Variants in FANCA observed in about 807,000 individuals in gnomAD.
FANCA encodes FA complementation group A, also known as Fanconi anemia group A protein.
In FANCA, 236 loss-of-function variants were observed where a neutral mutation model predicts 194.3. The observed-to-expected ratio is 1.21, with a 90% CI of 1.09 to 1.35. FANCA has a LOEUF of 1.35. FANCA is among the 40% of genes most tolerant of loss of function. FANCA has a pLI of 0.00. For missense variants in FANCA, 2,628 were observed against 1,813.9 expected, an observed-to-expected ratio of 1.45 and a Z score of -8.15; for synonymous variants, 1,014 against 715.8, an observed-to-expected ratio of 1.42 and a Z score of -6.65.
intron 36 of FANCA, among the ~76,000 whole-genome samples, chr16:89,743,738 G>A (rs540992983): frequency 5.9e-5 from 9 of 152,200 alleles, no homozygotes; most frequent in African/African-American, 1.7e-4. Flanking sequence ...CAGGAGGATC[G>A]CTTGAACCTG....
At chr16:89,799,584 G>A in intron 9 of FANCA, 21 bp downstream of exon 9, 1 of 1,609,716 alleles carries the variant, frequency 6.2e-7, no homozygotes, top group Non-Finnish European at 8.5e-7. Context: ...TACAGTCTGG[G>A]CTGCAGTGCA....
chr16:89,788,556 G>C (rs910636660), intron 14 of FANCA, among the ~76,000 whole-genome samples: 1 of 152,182 alleles, frequency 6.6e-6, no homozygotes, highest in Non-Finnish European at 1.5e-5. Flanking sequence ...CCAGTACTTC[G>C]GGGGTTAAGG....
intron 8 of FANCA, among the ~76,000 whole-genome samples, chr16:89,801,604 C>T (rs368671771): frequency 1.3e-5 from 2 of 152,162 alleles, no homozygotes; most frequent in Admixed American, 6.5e-5. Context: ...GAGGGTCTCA[C>T]TTTCACCAGG....
rs2143424697 is a variant in FANCA, at chr16:89,779,003, G to C, written c.1716C>G (p.Ser572Arg). 1 of 1,613,292 alleles carries C rather than the reference G, an allele frequency of 6.2e-7. No homozygotes were observed. Among genetic ancestry groups the C allele is most frequent in the Non-Finnish European group, 8.5e-7 (1 of 1,179,952 alleles). Residue 572 changes from serine (S) to arginine (R), a missense_variant and splice_region_variant, in exon 19 of 43, where the codon AGC (serine) becomes AGG (arginine). Transcript: ENST00000389301. ...GNIPVTVMEA[S>R]IFRRPYYVSH... Reference sequence around the variant, plus strand: ...ACACGTAGTAAGGCCTCCTGAATATGCTGCAACACAGAGAAGCAGACAGTG... The same window carrying C: ...ACACGTAGTAAGGCCTCCTGAATATCCTGCAACACAGAGAAGCAGACAGTG...
intron 35 of FANCA, among the ~76,000 whole-genome samples, chr16:89,745,532 G>A (rs909293416): frequency 7.7e-6 from 1 of 129,320 alleles, no homozygotes; most frequent in Non-Finnish European, 1.6e-5. Context: ...ACTGCCCTGA[G>A]CTGGGAACGA....
At chr16:89,757,463 T>C (rs1453700786) in intron 30 of FANCA, among the ~76,000 whole-genome samples, 2 of 152,108 alleles carry the variant, frequency 1.3e-5, no homozygotes, top group Non-Finnish European at 2.9e-5. Context: ...CTCAGAAACA[T>C]TCTGCTCAGC....
At chr16:89,767,988 C>T (rs2039190217) in intron 26 of FANCA, among the ~76,000 whole-genome samples, 1 of 151,960 alleles carries the variant, frequency 6.6e-6, no homozygotes, top group Non-Finnish European at 1.5e-5. Flanking sequence ...CCTGGCCCAG[C>T]CCTCGGTTTA....
chr16:89,744,665 G>GTTTTTTTTTT, intron 36 of FANCA: 1 of 369,368 alleles, frequency 2.7e-6, no homozygotes, highest in Non-Finnish European at 5.1e-6. Flanking sequence ...GGCAGAGGCT[G>GTTTTTTTTTT]TTTTTTTTTT....
chr16:89,798,587 C>T (rs1281645425), intron 10 of FANCA: 1 of 1,146,110 alleles, frequency 8.7e-7, no homozygotes, highest in Non-Finnish European at 1.1e-6. Context: ...AGCCCCATTT[C>T]CACCAAACCC....
intron 17 of FANCA, among the ~76,000 whole-genome samples, chr16:89,781,277 T>C (rs1177288941): frequency 3.0e-5 from 4 of 134,656 alleles, no homozygotes; most frequent in Non-Finnish European, 6.0e-5. Flanking sequence ...GGCAGGAGAA[T>C]GGCATGAACC....
At chr16:89,748,834 G>A (rs751558575) in intron 32 of FANCA, 67 bp from the exon 33 acceptor site, 19 of 1,343,030 alleles carry the variant, frequency 1.4e-5, no homozygotes, top group Non-Finnish European at 1.8e-5. Flanking sequence ...CAAGGGCTCA[G>A]ACTCTCAGAG....
Position 89,792,529 on chromosome 16 carries a change from A to G in FANCA, c.1025T>C (p.Met342Thr), listed in dbSNP as rs1192185054. 6.2e-7 allele frequency: 1 copy of G among 1,613,352 alleles called. No homozygotes were observed. Among genetic ancestry groups the G allele is most frequent in the South Asian group, 1.1e-5 (1 of 91,038 alleles). ...CCGCGCAAAGCTCCACTCTCTCTGC[A>G]TCTGAACAGCATCAGATGCTGCAGG... ...PVLKASDAVQ[M>T]QREWSFARTH... The change falls in exon 12 of 43, where the codon ATG becomes ACG. Residue 342 changes from methionine to threonine, a missense_variant. By Grantham distance (81) the Met-to-Thr change is moderately conservative. Coordinates refer to ENST00000389301, the MANE Select transcript of FANCA (RefSeq NM_000135.4).
At chr16:89,738,749 A>G (rs1242162771) in intron 42 of FANCA, 41 bp from the exon 43 acceptor site, 3 of 1,612,726 alleles carry the variant, frequency 1.9e-6, no homozygotes, top group East Asian at 2.2e-5. Flanking sequence ...GCCGCCCACT[A>G]GGCCTCAGAC....
chr16:89,798,364 C>G (rs2040318740), intron 10 of FANCA: 7 of 1,040,364 alleles, frequency 6.7e-6, no homozygotes, highest in Non-Finnish European at 8.1e-6. Flanking sequence ...TTCAGGAAAT[C>G]ACACAGTGCT....
chr16:89,790,885 A>G (rs2040047486), intron 14 of FANCA, among the ~76,000 whole-genome samples: 1 of 151,878 alleles, frequency 6.6e-6, no homozygotes, highest in Non-Finnish European at 1.5e-5. Flanking sequence ...GCTGGCGTAC[A>G]GTGGTGCAAT....
Position 89,737,993 on chromosome 16 carries a change from T to G in FANCA, c.*608A>C, listed in dbSNP as rs749072880. 12 of 1,614,014 alleles carry G rather than the reference T, an allele frequency of 7.4e-6. No homozygotes were observed. Among genetic ancestry groups the G allele is most frequent in the Non-Finnish European group, 1.0e-5 (12 of 1,180,030 alleles). On this transcript the variant is annotated 3_prime_UTR_variant, in exon 43 of 43. Transcript: ENST00000389301. ...TCCCCCAGGTGTGAGGTCTGTGGGT[T>G]CCAGTGCAGGCAGCGGGCATCCCTC...
At chr16:89,773,878 T>C (rs1011348945) in intron 21 of FANCA, among the ~76,000 whole-genome samples, 1 of 151,212 alleles carries the variant, frequency 6.6e-6, no homozygotes. Flanking sequence ...GTTCAAATCA[T>C]CCTGCCTCAG....
intron 3 of FANCA, among the ~76,000 whole-genome samples, chr16:89,811,273 G>T (rs2040869188): frequency 6.6e-6 from 1 of 152,192 alleles, no homozygotes; most frequent in Non-Finnish European, 1.5e-5. Flanking sequence ...AAAACTGGTG[G>T]CAACACCTGA....
intron 5 of FANCA, among the ~76,000 whole-genome samples, chr16:89,809,343 C>G (rs1256943398): frequency 6.6e-6 from 1 of 152,160 alleles, no homozygotes; most frequent in Non-Finnish European, 1.5e-5. Flanking sequence ...GCTTGTTTCC[C>G]AAGCTACGTG....
Sources: allele counts gnomAD v4.1 joint callset (sites outside exome capture counted in the v4.1 genomes callset), GRCh38; gene constraint gnomAD v4.1.1; transcripts MANE v1.5; gene names NCBI Gene and HGNC (gene_info 2026-07-23, HGNC 2026-07-21).